BMP2K: variants seen among roughly 807,000 people sequenced by gnomAD.
BMP2K encodes BMP-2-inducible protein kinase.
In BMP2K, 74 loss-of-function variants were observed where a neutral mutation model predicts 116.0. The observed-to-expected ratio is 0.64, with a 90% confidence interval of 0.53 to 0.77. The LOEUF (loss-of-function observed/expected upper bound fraction) is 0.77. Among genes scored for constraint, BMP2K ranks in the 30% least tolerant of loss-of-function variants. The pLI is 0.00. For missense variants in BMP2K, 1,365 were observed against 1,403.6 expected (o/e 0.97, Z 0.44); for synonymous variants, 486 against 502.5 (o/e 0.97, Z 0.44).
intron 8 of BMP2K, 127 bp from the exon 9 acceptor site, chr4:78,861,262 A>G: frequency 1.6e-6 from 1 of 614,842 alleles, no homozygotes; most frequent in African/African-American, 1.8e-5. Flanking sequence ...ATTTATAGGT[A>G]TCTGATGTGA....
intron 1 of BMP2K, among the ~76,000 whole-genome samples, chr4:78,823,329 A>G (rs1416841239): frequency 6.6e-6 from 1 of 151,880 alleles, no homozygotes; most frequent in Non-Finnish European, 1.5e-5. Context: ...TTCCTCTGGG[A>G]ACTTACTTCA....
chr4:78,867,162 ACT>A (rs1459719739), intron 10 of BMP2K, among the ~76,000 whole-genome samples: 4 of 149,844 alleles, frequency 2.7e-5, no homozygotes, highest in African/African-American at 7.4e-5. Flanking sequence ...ACAGAATGAG[ACT>A]CTGTCTCAAA....
intron 15 of BMP2K, among the ~76,000 whole-genome samples, chr4:78,893,266 G>A (rs918253602): frequency 9.2e-5 from 14 of 152,272 alleles, no homozygotes; most frequent in Middle Eastern, 3.4e-3. Context: ...GTTTGATTAC[G>A]AGACTGCAAC....
At chr4:78,864,395 ACCG>A (rs1365335328) in intron 9 of BMP2K, among the ~76,000 whole-genome samples, 2 of 151,634 alleles carry the variant, frequency 1.3e-5, no homozygotes, top group East Asian at 3.9e-4. Flanking sequence ...ATATATATAC[ACCG>A]ATATATATAT....
chr4:78,893,770 G>T (rs1733563078), intron 15 of BMP2K, among the ~76,000 whole-genome samples: 1 of 152,110 alleles, frequency 6.6e-6, no homozygotes, highest in Admixed American at 6.6e-5. Context: ...TCACTATGTT[G>T]CCCAGGTTCG....
rs759673677 is a variant in BMP2K at position 78,911,342 on chromosome 4, T to A, written c.2795T>A (p.Phe932Tyr). The A allele has an allele frequency of 6.8e-6, 11 of 1,613,718 alleles. No homozygotes were observed. The highest frequency in any genetic ancestry group is 1.6e-4 in the Middle Eastern group (1 of 6,062). Reference protein sequence around the residue: ...IPGYPKSVDVFGSTPFQPFLT... With the variant: ...IPGYPKSVDVYGSTPFQPFLT... ...GGTTATCCCAAAAGTGTAGATGTAT[T>A]TGGCTCCACTCCATTTCAGCCCTTC... Residue 932 changes from phenylalanine (F) to tyrosine (Y), a missense_variant, in exon 16 of 16, where the codon TTT becomes TAT. Around this residue, in one of 3 missense-constraint regions of BMP2K, gnomAD observed 596 missense variants for 623.2 expected, o/e 0.96. Coordinates refer to ENST00000502613, the MANE Select transcript of BMP2K (RefSeq NM_198892.2).
intron 1 of BMP2K, among the ~76,000 whole-genome samples, chr4:78,788,692 A>T (rs556900165): frequency 1.4e-5 from 2 of 145,584 alleles, no homozygotes; most frequent in South Asian, 4.2e-4. Flanking sequence ...TTGCAAACTC[A>T]TGAGTTTTTT....
chr4:78,828,985 C>T (rs781134377), intron 2 of BMP2K, among the ~76,000 whole-genome samples: 14 of 152,160 alleles, frequency 9.2e-5, no homozygotes, highest in Admixed American at 3.3e-4. Flanking sequence ...AAAATCAGAC[C>T]TTGGCGATGA....
chr4:78,872,710 C>T lies in BMP2K; in HGVS notation c.1705C>T (p.Gln569Ter), dbSNP rs2110061090. ...ATCACCTGAATATCTTACCTCCCCT[C>T]AAGAGTTCTCACCAGCCTTAGTTTC... ...QASPEYLTSPQEFSPALVSYT... is the reference protein window; with the variant it reads ...QASPEYLTSP The change falls in exon 13 of 16, where the codon CAA becomes TAA. Residue 569 changes from glutamine to a stop codon, truncating the protein, a stop_gained. Transcript: ENST00000502613. LOFTEE classifies it high-confidence loss of function. 3 of 1,614,172 alleles carry T rather than the reference C, an allele frequency of 1.9e-6. No individual in the cohort carries two copies. The highest frequency in any genetic ancestry group is 2.5e-6 in the Non-Finnish European group (3 of 1,180,008).
intron 3 of BMP2K, among the ~76,000 whole-genome samples, chr4:78,835,922 C>CT (rs1261468947): frequency 6.6e-6 from 1 of 152,082 alleles, no homozygotes; most frequent in African/African-American, 2.4e-5. Flanking sequence ...GATATTGTCT[C>CT]TAAGAAAAGA....
At chr4:78,866,857 G>A (rs1386724090) in intron 10 of BMP2K, among the ~76,000 whole-genome samples, 3 of 152,048 alleles carry the variant, frequency 2.0e-5, no homozygotes, top group Admixed American at 2.0e-4. Context: ...CACCGTGTTG[G>A]CAGGCTGGTC....
intron 4 of BMP2K, among the ~76,000 whole-genome samples, chr4:78,843,880 G>T (rs1730875286): frequency 6.6e-6 from 1 of 151,584 alleles, no homozygotes; most frequent in Non-Finnish European, 1.5e-5. Context: ...ATTTTGTATT[G>T]TCCATATTTT....
rs768076479 is a variant in BMP2K at position 78,911,050 on chromosome 4, A to G, written c.2503A>G (p.Ile835Val). ...GSGPTQDLNT[I>V]LLTSAQLSSD... ...TGGACCAACCCAAGATCTTAATACA[A>G]TACTCCTCACCTCAGCCCAATTATC... The change falls in exon 16 of 16, where the codon ATA (isoleucine) becomes GTA (valine). Residue 835 changes from isoleucine to valine, a missense_variant. Physicochemically the swap from Ile to Val is conservative, Grantham distance 29. Coordinates refer to ENST00000502613, the MANE Select transcript of BMP2K (RefSeq NM_198892.2). The G allele has an allele frequency of 6.8e-6, 11 of 1,613,762 alleles. No homozygotes were observed. Among genetic ancestry groups the G allele is most frequent in the African/African-American group, 4.0e-5 (3 of 74,916 alleles).
intron 9 of BMP2K, among the ~76,000 whole-genome samples, chr4:78,861,750 T>C (rs1731803698): frequency 6.6e-6 from 1 of 152,040 alleles, no homozygotes; most frequent in African/African-American, 2.4e-5. Flanking sequence ...ATTTGTCATT[T>C]TCATCACATA....
intron 2 of BMP2K, among the ~76,000 whole-genome samples, chr4:78,829,836 T>TCTTCC (rs1730116692): frequency 2.0e-5 from 3 of 150,436 alleles, no homozygotes; most frequent in Non-Finnish European, 4.4e-5. Flanking sequence ...TCTTCTCTTC[T>TCTTCC]CTTCTCTTCT....
At chr4:78,780,549 A>G (rs1430697594) in intron 1 of BMP2K, among the ~76,000 whole-genome samples, 1 of 152,238 alleles carries the variant, frequency 6.6e-6, no homozygotes, top group Non-Finnish European at 1.5e-5. Context: ...TTTAAGCATT[A>G]TATCTCATTT....
rs1455051643 is a variant in BMP2K at position 78,915,603 on chromosome 4, CAGT to C, written c.*3571_*3573del. The C allele has an allele frequency of 3.3e-5, 5 of 151,814 alleles. No homozygotes were observed. Among genetic ancestry groups the C allele is most frequent in the Admixed American group, 1.3e-4 (2 of 15,204 alleles). 9.4% of individuals were successfully genotyped at this position (151,814 alleles called of 1,614,324 possible). A position where few individuals can be genotyped will look rare whatever the true frequency, so the allele number is the denominator to read the frequency against. On this transcript the variant is annotated 3_prime_UTR_variant, in exon 16 of 16. Transcript: ENST00000502613. ...TAGTTTATTTGAGAACTTTTATACT[CAGT>C]GGTGTTTTATATATTAAGATAAAAA...
At chr4:78,776,950 AT>A (rs911914633) in intron 1 of BMP2K, among the ~76,000 whole-genome samples, 11 of 151,848 alleles carry the variant, frequency 7.2e-5, no homozygotes, top group Non-Finnish European at 1.3e-4. Context: ...AGTTTAAATC[AT>A]TTTCTGTGCT....
At chr4:78,871,196 A>G in intron 11 of BMP2K, 136 bp downstream of exon 11, 3 of 1,437,952 alleles carry the variant, frequency 2.1e-6, no homozygotes, top group East Asian at 2.3e-5. Flanking sequence ...TTTTCTAATT[A>G]TGAAAGAATA....
Sources: gnomAD v4.1 joint callset for allele counts (sites outside exome capture counted in the v4.1 genomes callset) on GRCh38, gnomAD v4.1.1 for gene constraint, gnomAD v4.1.1 regional missense constraint, MANE v1.5 for transcripts, NCBI Gene and HGNC (gene_info 2026-07-23, HGNC 2026-07-21) for gene names.